The following RUNX1T1 variants were observed in gnomAD, a reference collection of about 807,000 sequenced individuals.
RUNX1T1 encodes protein CBFA2T1.
In RUNX1T1, 4 loss-of-function variants were observed where a neutral mutation model predicts 62.8. That is an observed-to-expected ratio of 0.06 (90% CI 0.03 to 0.15). RUNX1T1 has a LOEUF of 0.15. Ranked by LOEUF, RUNX1T1 falls within the 10% of genes least tolerant of loss-of-function variation. The pLI, the probability that RUNX1T1 is intolerant of heterozygous loss-of-function variation, is 1.00. For missense variants in RUNX1T1, 508 were observed against 754.3 expected (o/e 0.67, Z 3.82); for synonymous variants, 291 against 286.0 (o/e 1.02, Z -0.18).
intron 1 of RUNX1T1, among the ~76,000 whole-genome samples, chr8:92,080,553 G>T (rs1835090603): frequency 6.6e-6 from 1 of 152,224 alleles, no homozygotes; most frequent in African/African-American, 2.4e-5. Context: ...AGCTTTTTAT[G>T]CATTGGATTA....
At chr8:92,059,126 T>C (rs1483978764) in intron 1 of RUNX1T1, among the ~76,000 whole-genome samples, 1 of 152,202 alleles carries the variant, frequency 6.6e-6, no homozygotes, top group African/African-American at 2.4e-5. Context: ...AAAAAAGTAA[T>C]GCTGCATAAT....
intron 1 of RUNX1T1, among the ~76,000 whole-genome samples, chr8:92,077,729 T>C (rs921192406): frequency 6.6e-6 from 1 of 152,056 alleles, no homozygotes; most frequent in Admixed American, 6.5e-5. Context: ...ATATGAGCCA[T>C]AGTTAATAAT....
intron 1 of RUNX1T1, among the ~76,000 whole-genome samples, chr8:92,057,632 C>A (rs771781231): frequency 2.0e-5 from 3 of 152,118 alleles, no homozygotes; most frequent in African/African-American, 7.2e-5. Flanking sequence ...TTGATTGGAA[C>A]TCTATGGGTT....
At chr8:92,039,445 C>T (rs1330687581) in intron 1 of RUNX1T1, among the ~76,000 whole-genome samples, 2 of 152,162 alleles carry the variant, frequency 1.3e-5, no homozygotes, top group African/African-American at 4.8e-5. Flanking sequence ...TCCTTCTCCT[C>T]TCTTCATCTT....
chr8:91,970,832 C>T (rs1283008384), exon 10 of RUNX1T1: 7 of 1,609,456 alleles, frequency 4.3e-6, no homozygotes, highest in East Asian at 4.5e-5. Flanking sequence ...GGCGCTTCAC[C>T]TCATTGACGG....
intron 1 of RUNX1T1, among the ~76,000 whole-genome samples, chr8:92,046,058 C>T (rs549286341): frequency 6.6e-6 from 1 of 152,228 alleles, no homozygotes; most frequent in Admixed American, 6.5e-5. Context: ...TACCCCATGG[C>T]CTGTGCTCTC....
chr8:91,991,954 T>C, intron 5 of RUNX1T1, 65 bp from the exon 7 acceptor site: 1 of 1,536,264 alleles, frequency 6.5e-7, no homozygotes, highest in Non-Finnish European at 8.9e-7. Context: ...GTTCAGTCAC[T>C]CATATTTGAG....
chr8:91,965,810 C>T (rs112292957), intron 10 of RUNX1T1, among the ~76,000 whole-genome samples: 79 of 152,226 alleles, frequency 5.2e-4, no homozygotes, highest in Middle Eastern at 3.4e-3. Flanking sequence ...CTAATTCTCT[C>T]GCCACCCTTC....
chr8:91,990,624 T>C (rs1817472569), intron 6 of RUNX1T1, among the ~76,000 whole-genome samples: 1 of 151,790 alleles, frequency 6.6e-6, no homozygotes, highest in Non-Finnish European at 1.5e-5. Context: ...TAGAAGGCAA[T>C]GTCTTCAAAA....
intron 1 of RUNX1T1, among the ~76,000 whole-genome samples, chr8:92,021,698 T>C (rs2131217153): frequency 6.6e-6 from 1 of 152,166 alleles, no homozygotes; most frequent in East Asian, 1.9e-4. Flanking sequence ...CATAGGAATG[T>C]GGTGAAATTG....
At chr8:91,960,885 T>C (rs866613931) in intron 10 of RUNX1T1, among the ~76,000 whole-genome samples, 26 of 152,210 alleles carry the variant, frequency 1.7e-4, no homozygotes, top group Admixed American at 2.6e-4. Context: ...TATACCACAA[T>C]AGTCAGACAC....
At chr8:91,959,470 A>ATGTGTG (rs1563591339) in exon 11 of RUNX1T1, 2 of 34,286 alleles carry the variant, frequency 5.8e-5, no homozygotes, top group Non-Finnish European at 9.6e-5. Context: ...GTGTGTGTAT[A>ATGTGTG]TGTGCGTGTG....
intron 4 of RUNX1T1, chr8:92,006,792 A>T (rs1820874719): frequency 6.6e-6 from 1 of 151,744 alleles, no homozygotes; most frequent in South Asian, 2.1e-4. Flanking sequence ...TAAGCCCCAT[A>T]TATGTTAGCT....
intron 2 of RUNX1T1, among the ~76,000 whole-genome samples, chr8:92,075,120 C>T (rs1353518749): frequency 6.6e-6 from 1 of 152,186 alleles, no homozygotes; most frequent in Non-Finnish European, 1.5e-5. Flanking sequence ...TTTCGCTCCC[C>T]CTCTTTCTAC....
At chr8:91,967,227 C>A (rs1207089080) in intron 10 of RUNX1T1, among the ~76,000 whole-genome samples, 1 of 152,170 alleles carries the variant, frequency 6.6e-6, no homozygotes, top group African/African-American at 2.4e-5. Context: ...TCAGGCAAAA[C>A]AAACTTCATG....
At chr8:92,047,752 T>TA (rs755544614) in intron 1 of RUNX1T1, among the ~76,000 whole-genome samples, 1,526 of 143,156 alleles carry the variant, frequency 0.011, 22 homozygotes, top group African/African-American at 0.027. Context: ...ACTATGGATT[T>TA]AAAAAAAAAA....
upstream of RUNX1T1, among the ~76,000 whole-genome samples, chr8:92,101,602 G>T (rs192355233): frequency 3.1e-4 from 47 of 152,274 alleles, no homozygotes; most frequent in Admixed American, 3.0e-3. Context: ...CTGCACGGCC[G>T]CCCAGCCAAA....
chr8:91,982,918 CTTTTTTTTTT>C (rs56135737), intron 8 of RUNX1T1, among the ~76,000 whole-genome samples: 1 of 59,550 alleles, frequency 1.7e-5, no homozygotes, highest in Non-Finnish European at 2.9e-5. Flanking sequence ...TAGGAAAATA[CTTTTTTTTTT>C]TTTTTTTTTT....
At chr8:92,090,891 A>G (rs1271722162) in intron 1 of RUNX1T1, among the ~76,000 whole-genome samples, 1 of 152,204 alleles carries the variant, frequency 6.6e-6, no homozygotes, top group Non-Finnish European at 1.5e-5. Context: ...ACACTGGTTA[A>G]TCAATTACTT....
Sources: gnomAD v4.1 joint callset for allele counts (sites outside exome capture counted in the v4.1 genomes callset) on GRCh38, gnomAD v4.1.1 for gene constraint, MANE v1.5 for transcripts, NCBI Gene and HGNC (gene_info 2026-07-23, HGNC 2026-07-21) for gene names.